IQCM: variants seen among roughly 807,000 people sequenced by gnomAD.
The protein encoded by IQCM is IQ domain-containing protein M.
Under a neutral mutation model 57.6 loss-of-function variants are expected in IQCM, and 45 were observed. That is an observed-to-expected ratio of 0.78 (90% confidence interval 0.62 to 1.00). The LOEUF (loss-of-function observed/expected upper bound fraction) is 1.00. IQCM is among the 50% of genes least tolerant of loss of function. IQCM has a pLI of 0.00. For synonymous variants in IQCM, 148 were observed against 158.9 expected, an observed-to-expected ratio of 0.93 and a Z score of 0.51; for missense variants, 468 against 511.6, an observed-to-expected ratio of 0.91 and a Z score of 0.82.
chr4:149,676,058 C>T (rs556573299), intron 7 of IQCM, among the ~76,000 whole-genome samples: 24 of 152,080 alleles, frequency 1.6e-4, no homozygotes, highest in African/African-American at 5.5e-4. Flanking sequence ...GTTTCTGTTT[C>T]TGCCATGGGT....
At chr4:149,728,857 G>C (rs936233287) in intron 5 of IQCM, among the ~76,000 whole-genome samples, 1 of 152,102 alleles carries the variant, frequency 6.6e-6, no homozygotes, top group South Asian at 2.1e-4. Context: ...TTCCCCCTAG[G>C]CACTACATCC....
intron 12 of IQCM, among the ~76,000 whole-genome samples, chr4:149,451,567 T>C (rs748799515): frequency 5.3e-5 from 8 of 151,720 alleles, no homozygotes; most frequent in Non-Finnish European, 1.0e-4. Flanking sequence ...AGACAAAAAG[T>C]CTAAAGACTT....
intron 13 of IQCM, among the ~76,000 whole-genome samples, chr4:149,429,771 T>A (rs1734695329): frequency 6.6e-6 from 1 of 151,880 alleles, no homozygotes; most frequent in Non-Finnish European, 1.5e-5. Context: ...TAGACTAATC[T>A]TTTTCAAGAC....
chr4:149,418,878 G>A (rs1158781545), intron 13 of IQCM, among the ~76,000 whole-genome samples: 1 of 152,084 alleles, frequency 6.6e-6, no homozygotes, highest in Admixed American at 6.6e-5. Context: ...AACCATGGAG[G>A]AACTCCCATT....
intron 9 of IQCM, among the ~76,000 whole-genome samples, chr4:149,586,653 T>C (rs1752672877): frequency 6.6e-6 from 1 of 151,708 alleles, no homozygotes; most frequent in South Asian, 2.1e-4. Flanking sequence ...TTAAAAATAA[T>C]GTATATTCTA....
chr4:149,674,734 A>C (rs1761602439), intron 7 of IQCM, among the ~76,000 whole-genome samples: 1 of 152,140 alleles, frequency 6.6e-6, no homozygotes, highest in Admixed American at 6.6e-5. Context: ...TGGAAACCTT[A>C]ATTAAGCAGT....
intron 12 of IQCM, among the ~76,000 whole-genome samples, chr4:149,480,134 T>C (rs573148935): frequency 3.1e-4 from 47 of 152,290 alleles, no homozygotes; most frequent in African/African-American, 1.1e-3. Context: ...CCACATAACA[T>C]CACTCTGATT....
intron 2 of IQCM, among the ~76,000 whole-genome samples, chr4:149,805,074 T>C (rs150859718): frequency 2.6e-5 from 4 of 152,190 alleles, no homozygotes; most frequent in African/African-American, 7.2e-5. Context: ...GTTTGTACCA[T>C]TCATAAAGCT....
intron 8 of IQCM, among the ~76,000 whole-genome samples, chr4:149,615,979 G>A (rs1323384255): frequency 6.6e-6 from 1 of 152,166 alleles, no homozygotes; most frequent in Non-Finnish European, 1.5e-5. Context: ...GGAGAAACTA[G>A]AACCCTTGTG....
intron 2 of IQCM, among the ~76,000 whole-genome samples, chr4:149,777,932 A>G (rs1771245140): frequency 1.3e-5 from 2 of 151,850 alleles, no homozygotes; most frequent in Non-Finnish European, 2.9e-5. Context: ...AAACAAAACA[A>G]AAAAAAAGGC....
intron 8 of IQCM, among the ~76,000 whole-genome samples, chr4:149,591,706 G>C (rs1190477037): frequency 6.6e-6 from 1 of 152,042 alleles, no homozygotes; most frequent in African/African-American, 2.4e-5. Context: ...TGCGGTGTTT[G>C]GTTTTCCATC....
intron 10 of IQCM, among the ~76,000 whole-genome samples, chr4:149,554,939 T>C (rs1749431468): frequency 6.6e-6 from 1 of 152,052 alleles, no homozygotes. Flanking sequence ...GACCTCGTGA[T>C]CCGCCTGCCT....
intron 5 of IQCM, among the ~76,000 whole-genome samples, chr4:149,724,554 CACAA>C (rs1765724895): frequency 6.6e-6 from 1 of 151,868 alleles, no homozygotes; most frequent in Non-Finnish European, 1.5e-5. Context: ...TATACACAAT[CACAA>C]ACACACACAT....
intron 13 of IQCM, among the ~76,000 whole-genome samples, chr4:149,377,676 C>A (rs1730787729): frequency 6.6e-6 from 1 of 152,134 alleles, no homozygotes; most frequent in Non-Finnish European, 1.5e-5. Flanking sequence ...TACTACATAT[C>A]CGGAAAATGT....
At chr4:149,507,142 C>T (rs574605470) in intron 12 of IQCM, among the ~76,000 whole-genome samples, 1 of 152,268 alleles carries the variant, frequency 6.6e-6, no homozygotes, top group Non-Finnish European at 1.5e-5. Flanking sequence ...GTGAGGCCTC[C>T]CCAGCCATGT....
At chr4:149,381,053 ATCT>A (rs1731043598) in intron 13 of IQCM, among the ~76,000 whole-genome samples, 2 of 152,114 alleles carry the variant, frequency 1.3e-5, no homozygotes, top group South Asian at 2.1e-4. Flanking sequence ...TTCACATTTC[ATCT>A]TCTTCTCAGC....
At chr4:149,418,143 T>TA (rs956489308) in intron 13 of IQCM, among the ~76,000 whole-genome samples, 3 of 143,172 alleles carry the variant, frequency 2.1e-5, no homozygotes, top group African/African-American at 7.9e-5. Flanking sequence ...AAAGACCCTT[T>TA]AAAAAATCAA....
At chr4:149,702,331 C>CA (rs56404410) in intron 5 of IQCM, among the ~76,000 whole-genome samples, 6 of 150,702 alleles carry the variant, frequency 4.0e-5, no homozygotes, top group Admixed American at 3.3e-4. Context: ...CACACACACA[C>CA]CCATAGCACA....
chr4:149,721,255 T>C (rs1318952116), intron 5 of IQCM, among the ~76,000 whole-genome samples: 6 of 152,188 alleles, frequency 3.9e-5, no homozygotes, highest in Non-Finnish European at 7.4e-5. Flanking sequence ...GCTTAAGTTA[T>C]ATGCAAATAC....
Sources: allele counts gnomAD v4.1 joint callset (sites outside exome capture counted in the v4.1 genomes callset), GRCh38; gene constraint gnomAD v4.1.1; transcripts MANE v1.5; gene names NCBI Gene and HGNC (gene_info 2026-07-23, HGNC 2026-07-21).